Variants in CPE observed in about 807,000 individuals in gnomAD.
CPE encodes the protein carboxypeptidase E.
Under a neutral mutation model 53.5 loss-of-function variants are expected in CPE, and 17 were observed. The observed-to-expected ratio is 0.32, with a 90% CI of 0.22 to 0.48. The LOEUF is 0.48. Ranked by LOEUF, CPE falls within the 20% of genes least tolerant of loss-of-function variation. CPE has a pLI of 0.99. For missense variants in CPE, 524 were observed against 614.7 expected, an observed-to-expected ratio of 0.85 and a Z score of 1.56; for synonymous variants, 226 against 228.8, an observed-to-expected ratio of 0.99 and a Z score of 0.11.
chr4:165,490,629 C>CAAAAAAAAAAAA (rs36034365), intron 6 of CPE, among the ~76,000 whole-genome samples: 1 of 41,010 alleles, frequency 2.4e-5, no homozygotes, highest in Non-Finnish European at 5.1e-5. Flanking sequence ...GACTCCGTCT[C>CAAAAAAAAAAAA]AAAAAAAAAA....
At chr4:165,487,406 A>G (rs1193139787) in intron 5 of CPE, 32 bp from the exon 6 acceptor site, 2 of 1,612,234 alleles carry the variant, frequency 1.2e-6, no homozygotes, top group Admixed American at 3.3e-5. Context: ...CTCCTTGTGC[A>G]TATTTTGACT....
Position 165,467,781 on chromosome 4 carries a change from G to T in CPE, c.598G>T (p.Val200Leu). 1.2e-6 allele frequency: 2 copies of T among 1,613,802 alleles called. No individual in the cohort carries two copies. Among genetic ancestry groups the T allele is most frequent in the Non-Finnish European group, 8.5e-7 (1 of 1,179,874 alleles). Residue 200 changes from valine to leucine, a missense_variant, in exon 3 of 9, where the codon GTG becomes TTG. By Grantham distance (32) the Val-to-Leu change is conservative (BLOSUM62 1). Coordinates refer to ENST00000402744, the MANE Select transcript of CPE (RefSeq NM_001873.4). ...TCCAGACCTGGATAGGATAGTGTAC[G>T]TGAATGAGAAAGAAGGTGGTCCAAA... ...NFPDLDRIVY[V>L]NEKEGGPNNH...
chr4:165,459,679 GGGGGC>G (rs1731962276), intron 1 of CPE, among the ~76,000 whole-genome samples: 2 of 131,024 alleles, frequency 1.5e-5, no homozygotes, highest in East Asian at 2.6e-4. Flanking sequence ...CTGGGTGGGG[GGGGGC>G]GGGGCAGATC....
chr4:165,467,178 C>T (rs190022707), intron 2 of CPE, among the ~76,000 whole-genome samples: 2 of 152,174 alleles, frequency 1.3e-5, no homozygotes, highest in East Asian at 1.9e-4. Context: ...AAAAACTTAG[C>T]CTAGCATGAT....
At chr4:165,428,188 T>C (rs999727092) in intron 1 of CPE, among the ~76,000 whole-genome samples, 18 of 152,278 alleles carry the variant, frequency 1.2e-4, no homozygotes, top group African/African-American at 4.3e-4. Context: ...CATGCTGCTA[T>C]GCCTGACTAA....
intron 1 of CPE, among the ~76,000 whole-genome samples, chr4:165,453,541 T>C (rs1298719480): frequency 6.6e-6 from 1 of 151,976 alleles, no homozygotes; most frequent in East Asian, 1.9e-4. Context: ...TGCACCACCA[T>C]GCCCAGCTAA....
chr4:165,445,571 G>A (rs984666480), intron 1 of CPE, among the ~76,000 whole-genome samples: 1 of 152,008 alleles, frequency 6.6e-6, no homozygotes, highest in South Asian at 2.1e-4. Flanking sequence ...TTTCACAATT[G>A]TATAGCCAGG....
intron 1 of CPE, among the ~76,000 whole-genome samples, chr4:165,428,320 T>G (rs920059146): frequency 6.6e-6 from 1 of 152,240 alleles, no homozygotes; most frequent in Admixed American, 6.5e-5. Context: ...GTTGGGATTA[T>G]AGGCATGAGC....
intron 1 of CPE, among the ~76,000 whole-genome samples, chr4:165,462,185 G>A (rs1204569969): frequency 6.6e-6 from 1 of 152,190 alleles, no homozygotes; most frequent in Non-Finnish European, 1.5e-5. Context: ...GCAGCAGTAG[G>A]GAATGGCGCA....
intron 1 of CPE, among the ~76,000 whole-genome samples, chr4:165,451,176 T>C (rs1011828549): frequency 2.8e-4 from 43 of 152,198 alleles, no homozygotes; most frequent in Non-Finnish European, 7.3e-5. Context: ...CCCTGCCATA[T>C]GGGATAGGTC....
intron 1 of CPE, among the ~76,000 whole-genome samples, chr4:165,391,101 A>G (rs1730671723): frequency 6.6e-6 from 1 of 152,152 alleles, no homozygotes. Flanking sequence ...TTTCAGGGAC[A>G]TCAATTCAGT....
intron 1 of CPE, among the ~76,000 whole-genome samples, chr4:165,446,673 A>G (rs1731722004): frequency 1.3e-5 from 2 of 152,190 alleles, no homozygotes; most frequent in South Asian, 4.1e-4. Context: ...ATAGTTTGGA[A>G]AAAATAATAA....
intron 3 of CPE, among the ~76,000 whole-genome samples, chr4:165,474,432 C>T (rs1230395837): frequency 6.6e-6 from 1 of 151,990 alleles, no homozygotes; most frequent in Non-Finnish European, 1.5e-5. Context: ...ACATGGTTAC[C>T]CATCTGTAAA....
intron 1 of CPE, among the ~76,000 whole-genome samples, chr4:165,382,410 C>A (rs143961340): frequency 8.5e-5 from 13 of 152,254 alleles, no homozygotes; most frequent in African/African-American, 3.1e-4. Context: ...TTTGAAATAA[C>A]CTTTCTGATT....
chr4:165,477,488 T>C (rs1732324339), intron 3 of CPE, among the ~76,000 whole-genome samples: 1 of 152,236 alleles, frequency 6.6e-6, no homozygotes, highest in South Asian at 2.1e-4. Flanking sequence ...TTTTCCATTT[T>C]TGTCTGTAAG....
At chr4:165,392,661 A>G (rs954018198) in intron 1 of CPE, among the ~76,000 whole-genome samples, 3 of 147,128 alleles carry the variant, frequency 2.0e-5, no homozygotes, top group Admixed American at 6.9e-5. Context: ...TGTTATACAT[A>G]TTTTATTATA....
chr4:165,447,772 G>A (rs896253599), intron 1 of CPE, among the ~76,000 whole-genome samples: 6 of 151,732 alleles, frequency 4.0e-5, no homozygotes, highest in Non-Finnish European at 8.8e-5. Context: ...TATTCTATAA[G>A]CCTTTTTGTA....
Position 165,379,642 on chromosome 4 carries a change from T to G in CPE, c.307+114T>G. 1 of 1,041,446 alleles carries G rather than the reference T, an allele frequency of 9.6e-7. No homozygotes were observed. The highest frequency in any genetic ancestry group is 1.3e-6 in the Non-Finnish European group (1 of 760,028). The allele number at this position is 1,041,446 out of a possible 1,614,324, so 64.5% of individuals were successfully genotyped here. ...GGATGGGCCCAGGGGTGCCTCTTGG[T>G]AAAAGGTATCTAAGGTGGAAGGTGG... is the stretch of plus-strand genomic sequence containing the variant. On this transcript the variant is annotated intron_variant, in intron 1 of 8. Transcript: ENST00000402744. This position sits in a 1 kb window ranked among gnomAD's most constrained non-coding sequence, Gnocchi z 6.0.
chr4:165,472,439 G>C (rs1376996137), intron 3 of CPE, among the ~76,000 whole-genome samples: 1 of 152,130 alleles, frequency 6.6e-6, no homozygotes, highest in Non-Finnish European at 1.5e-5. Context: ...TTATTTCTGT[G>C]GCACACAATT....
Sources: gnomAD v4.1 joint callset for allele counts (sites outside exome capture counted in the v4.1 genomes callset) on GRCh38, gnomAD v4.1.1 for gene constraint, Gnocchi (gnomAD v3.1) non-coding constraint, MANE v1.5 for transcripts, NCBI Gene and HGNC (gene_info 2026-07-23, HGNC 2026-07-21) for gene names.